Variants in TCF7L2 observed in about 807,000 individuals in gnomAD.
TCF7L2 encodes the protein transcription factor 7 like 2.
TCF7L2 carries 23 observed loss-of-function variants against 77.9 expected under a neutral mutation model. The ratio of observed to expected loss-of-function variants is 0.30; its 90% CI spans 0.21 to 0.42. The LOEUF (loss-of-function observed/expected upper bound fraction) is 0.42, where lower values mean the gene tolerates loss of function less well. TCF7L2 is among the 10% of genes least tolerant of loss of function. The probability of loss-of-function intolerance (pLI) is 1.00; values close to 1 mark genes in which losing one functional copy is unlikely to be tolerated. For missense variants in TCF7L2, 654 were observed against 793.1 expected (o/e 0.82, Z 2.11); for synonymous variants, 413 against 340.2 (o/e 1.21, Z -2.36).
chr10:113,065,875 G>A (rs1342847370), intron 5 of TCF7L2, among the ~76,000 whole-genome samples: 1 of 152,180 alleles, frequency 6.6e-6, no homozygotes, highest in African/African-American at 2.4e-5. Context: ...GCTTAGGAGG[G>A]AGTTGCGGTT....
chr10:113,021,183 G>T (rs2048215118), intron 4 of TCF7L2, among the ~76,000 whole-genome samples: 1 of 152,184 alleles, frequency 6.6e-6, no homozygotes, highest in East Asian at 1.9e-4. Context: ...TCCAAATTCT[G>T]TGACCTTGGG....
intron 5 of TCF7L2, among the ~76,000 whole-genome samples, chr10:113,125,302 C>G (rs955030416): frequency 6.6e-6 from 1 of 150,420 alleles, no homozygotes; most frequent in East Asian, 1.9e-4. Context: ...GGACAGCTGT[C>G]GAAAAAGATA....
intron 5 of TCF7L2, among the ~76,000 whole-genome samples, chr10:113,113,258 G>A (rs1389300440): frequency 6.6e-6 from 1 of 152,120 alleles, no homozygotes; most frequent in Non-Finnish European, 1.5e-5. Context: ...AGTCCCGATC[G>A]CTAATAAGAG....
chr10:113,129,206 C>T (rs77789883), intron 5 of TCF7L2: 10,937 of 577,118 alleles, frequency 0.019, 129 homozygotes, highest in South Asian at 0.033. Context: ...CTTTCCTCCT[C>T]CCTCCCCTCT....
chr10:113,026,835 G>T (rs1052661048), intron 4 of TCF7L2, among the ~76,000 whole-genome samples: 1 of 152,156 alleles, frequency 6.6e-6, no homozygotes, highest in African/African-American at 2.4e-5. Context: ...AAACTTTCTT[G>T]CTATTAATAG....
chr10:113,003,276 G>C (rs1007295275), intron 4 of TCF7L2, among the ~76,000 whole-genome samples: 3 of 152,160 alleles, frequency 2.0e-5, no homozygotes, highest in African/African-American at 7.2e-5. Context: ...GTCTTGATTT[G>C]GGGCCTCTTT....
At chr10:112,954,845 G>C (rs2033086538) in intron 3 of TCF7L2, among the ~76,000 whole-genome samples, 1 of 152,116 alleles carries the variant, frequency 6.6e-6, no homozygotes, top group African/African-American at 2.4e-5. Flanking sequence ...TTTCAACCGA[G>C]CTCTTTGCTA....
intron 5 of TCF7L2, among the ~76,000 whole-genome samples, chr10:113,066,072 T>TA (rs2057208566): frequency 1.3e-5 from 2 of 152,268 alleles, no homozygotes; most frequent in South Asian, 4.1e-4. Context: ...AGTTGTAAGA[T>TA]ATGCTTAAGG....
intron 4 of TCF7L2, among the ~76,000 whole-genome samples, chr10:112,992,479 G>A (rs1035641433): frequency 6.6e-6 from 1 of 152,194 alleles, no homozygotes; most frequent in African/African-American, 2.4e-5. Context: ...CCAATTGCCC[G>A]AGTGCTGGGC....
chr10:113,128,147 A>G (rs1402208166), intron 5 of TCF7L2, among the ~76,000 whole-genome samples: 2 of 152,048 alleles, frequency 1.3e-5, no homozygotes, highest in Non-Finnish European at 2.9e-5. Context: ...GTGGAGGCTC[A>G]TTGCTTTTGT....
chr10:112,976,921 T>A (rs541031559), intron 4 of TCF7L2, among the ~76,000 whole-genome samples: 1 of 152,194 alleles, frequency 6.6e-6, no homozygotes, highest in South Asian at 2.1e-4. Context: ...TCTATGACCA[T>A]CTTCTGATTT....
At position 113,165,580 on chromosome 10, in the gene TCF7L2, A is replaced by G. The variant is rs2137646757; in HGVS notation, c.1417A>G (p.Ile473Val). Residue 473 changes from isoleucine (I) to valine (V), a missense_variant, in exon 14 of 14, where the codon ATA becomes GTA. Ile to Val is a conservative substitution (Grantham distance 29). Coordinates refer to ENST00000627217, the MANE Select transcript of TCF7L2 (RefSeq NM_001146274.2). ...GAGAAAAAAAAAGTGCGTTCGCTAC[A>G]TACAAGGTGAAGGCAGCTGCCTCAG... is the stretch of plus-strand genomic sequence containing the variant. 1.2e-6 allele frequency: 2 copies of G among 1,614,006 alleles called. No homozygotes were observed. Among genetic ancestry groups the G allele is most frequent in the Non-Finnish European group, 1.7e-6 (2 of 1,179,958 alleles).
chr10:113,049,532 C>T (rs146003366), intron 5 of TCF7L2, among the ~76,000 whole-genome samples: 393 of 152,216 alleles, frequency 2.6e-3, no homozygotes, highest in African/African-American at 9.0e-3. Flanking sequence ...AGTCCAGTGC[C>T]ATCATCTCTC....
chr10:113,151,432 A>G lies in TCF7L2; in HGVS notation c.1002-293A>G, dbSNP rs1253509139. Among the ~76,000 whole-genome samples the G allele has an allele frequency of 1.3e-5, 2 of 152,282 alleles. No homozygotes were observed. The highest frequency in any genetic ancestry group is 2.4e-5 in the African/African-American group (1 of 41,576). On this transcript the variant is annotated intron_variant, in intron 9 of 13. Transcript: ENST00000627217. This position sits in a 1 kb window ranked among gnomAD's most constrained non-coding sequence, Gnocchi z 5.2. ...ACATTTAGAGCTTTGTTCTGCAAGC[A>G]GGAGAAAACCCTGCCGAGGTGAAGA...
At chr10:113,072,596 C>T (rs1405996190) in intron 5 of TCF7L2, among the ~76,000 whole-genome samples, 1 of 152,128 alleles carries the variant, frequency 6.6e-6, no homozygotes, top group African/African-American at 2.4e-5. Flanking sequence ...CTCAGGTGAG[C>T]GTCCTGCCTT....
intron 5 of TCF7L2, among the ~76,000 whole-genome samples, chr10:113,124,877 G>A (rs1393327803): frequency 6.6e-6 from 1 of 152,014 alleles, no homozygotes; most frequent in Admixed American, 6.6e-5. Flanking sequence ...TGGCTCCGAA[G>A]GAGTCTAGCG....
At chr10:113,087,108 G>C (rs142605280) in intron 5 of TCF7L2, among the ~76,000 whole-genome samples, 8 of 152,274 alleles carry the variant, frequency 5.3e-5, no homozygotes, top group African/African-American at 1.9e-4. Flanking sequence ...CCCCTGATGC[G>C]CTGTTGGACG....
intron 4 of TCF7L2, among the ~76,000 whole-genome samples, chr10:113,028,034 G>A (rs2049517189): frequency 6.6e-6 from 1 of 152,198 alleles, no homozygotes; most frequent in Non-Finnish European, 1.5e-5. Context: ...CTTTTACTGT[G>A]CCTAATGGAC....
chr10:113,039,006 T>A (rs892006685), intron 4 of TCF7L2, among the ~76,000 whole-genome samples: 1 of 152,218 alleles, frequency 6.6e-6, no homozygotes, highest in Non-Finnish European at 1.5e-5. Context: ...AACTGATGGA[T>A]TAGTGAGTTG....
Sources: gnomAD v4.1 joint callset for allele counts (sites outside exome capture counted in the v4.1 genomes callset) on GRCh38, gnomAD v4.1.1 for gene constraint, Gnocchi (gnomAD v3.1) non-coding constraint, MANE v1.5 for transcripts, NCBI Gene and HGNC (gene_info 2026-07-23, HGNC 2026-07-21) for gene names.